The following SKIC3 variants were observed in gnomAD, a reference collection of about 807,000 sequenced individuals.
SKIC3 encodes SKI3 subunit of superkiller complex.
the SKIC3 span, chr5:95,517,084 T>G: frequency 6.2e-7 from 1 of 1,613,556 alleles, no homozygotes; most frequent in Admixed American, 1.7e-5. Flanking sequence ...AAAGTGAATG[T>G]TTTTTGTTAC....
At chr5:95,529,439 T>C in the SKIC3 span, 1 of 373,262 alleles carries the variant, frequency 2.7e-6, no homozygotes, top group Non-Finnish European at 5.1e-6. Context: ...TTCCCCACTG[T>C]TGTCAGGATA....
the SKIC3 span, chr5:95,528,805 C>A: frequency 6.1e-5 from 36 of 586,082 alleles, no homozygotes; most frequent in East Asian, 4.2e-4. Flanking sequence ...GCTAAACATT[C>A]ATTGTCAGTT....
chr5:95,490,530 C>T, the SKIC3 span, among the ~76,000 whole-genome samples: 1 of 147,814 alleles, frequency 6.8e-6, no homozygotes, highest in Non-Finnish European at 1.5e-5. Flanking sequence ...CGGAGTCTCG[C>T]TCTGTCACCC....
At chr5:95,541,263 G>A in the SKIC3 span, 1 of 1,590,768 alleles carries the variant, frequency 6.3e-7, no homozygotes. Flanking sequence ...ACCGCGCCCA[G>A]CCCATCTATT....
chr5:95,469,800 G>A, the SKIC3 span: 1 of 1,614,078 alleles, frequency 6.2e-7, no homozygotes. Flanking sequence ...TTTTGCGTTT[G>A]AATTGTAACA....
At chr5:95,502,996 C>G in the SKIC3 span, 1 of 1,613,988 alleles carries the variant, frequency 6.2e-7, no homozygotes, top group Non-Finnish European at 8.5e-7. Context: ...ACAAGGCTCT[C>G]TCATAGGCTG....
the SKIC3 span, chr5:95,520,871 A>T: frequency 7.9e-7 from 1 of 1,272,268 alleles, no homozygotes; most frequent in Non-Finnish European, 1.1e-6. Flanking sequence ...ATAAACACTT[A>T]AAATGAACTT....
At chr5:95,523,600 C>A in the SKIC3 span, 1 of 1,553,722 alleles carries the variant, frequency 6.4e-7, no homozygotes. Flanking sequence ...AAAATATTTT[C>A]ATTTATATAC....
At chr5:95,475,380 CTGAG>C in the SKIC3 span, among the ~76,000 whole-genome samples, 2 of 152,184 alleles carry the variant, frequency 1.3e-5, no homozygotes, top group Admixed American at 1.3e-4. Context: ...GTACTATACA[CTGAG>C]TGAGTTCTCA....
At chr5:95,543,188 C>T in the SKIC3 span, 1 of 1,613,836 alleles carries the variant, frequency 6.2e-7, no homozygotes, top group Non-Finnish European at 8.5e-7. Context: ...ACATACCTGC[C>T]AAGCTAGTAA....
chr5:95,538,967 G>A, the SKIC3 span, among the ~76,000 whole-genome samples: 1 of 152,094 alleles, frequency 6.6e-6, no homozygotes, highest in Non-Finnish European at 1.5e-5. Context: ...CAGTGATTAA[G>A]TTACTGATGT....
At chr5:95,545,663 C>T in the SKIC3 span, among the ~76,000 whole-genome samples, 687 of 152,276 alleles carry the variant, frequency 4.5e-3, 2 homozygotes, top group Middle Eastern at 0.014. Flanking sequence ...CTGTCTGTCA[C>T]CTACAGTCCT....
chr5:95,522,789 C>T, the SKIC3 span, among the ~76,000 whole-genome samples: 1 of 152,116 alleles, frequency 6.6e-6, no homozygotes, highest in South Asian at 2.1e-4. Flanking sequence ...GATTCAAATA[C>T]ATTTATTTAC....
the SKIC3 span, chr5:95,520,584 T>C: frequency 1.4e-6 from 1 of 698,420 alleles, no homozygotes; most frequent in South Asian, 2.1e-5. Flanking sequence ...TAGAATTGGC[T>C]TGTCTGTTAT....
chr5:95,520,047 G>T, the SKIC3 span, among the ~76,000 whole-genome samples: 1 of 152,070 alleles, frequency 6.6e-6, no homozygotes, highest in African/African-American at 2.4e-5. Context: ...AACCAAGCAG[G>T]AAAAGAGGGG....
chr5:95,552,562 T>C, the SKIC3 span, among the ~76,000 whole-genome samples: 1 of 152,020 alleles, frequency 6.6e-6, no homozygotes, highest in Non-Finnish European at 1.5e-5. Flanking sequence ...TCAGTAGATG[T>C]TTATTGAGCC....
At chr5:95,479,450 G>A in the SKIC3 span, among the ~76,000 whole-genome samples, 1 of 152,114 alleles carries the variant, frequency 6.6e-6, no homozygotes, top group Non-Finnish European at 1.5e-5. Context: ...GCTTTGTTGG[G>A]TGAGAATTAA....
At chr5:95,530,385 C>A in the SKIC3 span, among the ~76,000 whole-genome samples, 1 of 152,146 alleles carries the variant, frequency 6.6e-6, no homozygotes, top group East Asian at 1.9e-4. Flanking sequence ...CCAGCAAATG[C>A]AGAAAATATT....
the SKIC3 span, among the ~76,000 whole-genome samples, chr5:95,501,056 G>A: frequency 3.3e-5 from 5 of 152,014 alleles, no homozygotes; most frequent in Non-Finnish European, 4.4e-5. Context: ...ATGGAAGTAT[G>A]TCAGTCAGTG....
Sources: allele counts gnomAD v4.1 joint callset (sites outside exome capture counted in the v4.1 genomes callset), GRCh38; gene constraint gnomAD v4.1.1; transcripts MANE v1.5; gene names NCBI Gene and HGNC (gene_info 2026-07-23, HGNC 2026-07-21).